AP4M1: variants seen among roughly 807,000 people sequenced by gnomAD.
AP4M1 encodes adaptor related protein complex 4 subunit mu 1.
AP4M1 carries 58 observed loss-of-function variants against 62.4 expected under a neutral mutation model. That is an observed-to-expected ratio of 0.93 (90% confidence interval 0.75 to 1.16). AP4M1 has a LOEUF of 1.16. Ranked by LOEUF, AP4M1 falls within the 50% of genes most tolerant of loss-of-function variation. The pLI, the probability that AP4M1 is intolerant of heterozygous loss-of-function variation, is 0.00. For missense variants in AP4M1, 626 were observed against 585.4 expected, an observed-to-expected ratio of 1.07 and a Z score of -0.72; for synonymous variants, 290 against 239.7, an observed-to-expected ratio of 1.21 and a Z score of -1.94.
Position 100,102,729 on chromosome 7 carries a change from G to T in AP4M1, c.202G>T (p.Val68Phe), listed in dbSNP as rs148371121. 10 of 1,614,012 alleles carry T rather than the reference G, an allele frequency of 6.2e-6. No individual in the cohort carries two copies. The highest frequency in any genetic ancestry group is 7.6e-6 in the Non-Finnish European group (9 of 1,180,032). ...HIRHSGLYLV[V>F]TTSENVSPFS... ...CAGACACAGCGGCCTCTATTTGGTG[G>T]TCACAACTTCAGAAAACGTTTCTCC... Residue 68 changes from valine (V) to phenylalanine (F), a missense_variant, in exon 3 of 15, where the codon GTC (valine) becomes TTC (phenylalanine). Transcript: ENST00000359593.
Position 100,108,632 on chromosome 7 carries a change from GGGATGGGGT to G in AP4M1, c.*1751_*1759del. On this transcript the variant is annotated 3_prime_UTR_variant, in exon 15 of 15. Transcript: ENST00000359593. ...GGTGACACTCTTGAGAAGAACCTTG[GGGATGGGGT>G]AAAAAAGGACATTCCTTATCATCTC... is the stretch of plus-strand genomic sequence containing the variant. 1 of 1,415,552 alleles carries G rather than the reference GGGATGGGGT, an allele frequency of 7.1e-7. No homozygotes were observed. The highest frequency in any genetic ancestry group is 9.5e-7 in the Non-Finnish European group (1 of 1,050,946). The allele number at this position is 1,415,552 out of a possible 1,614,324, so 87.7% of individuals were successfully genotyped here.
chr7:100,106,417 T>C lies in AP4M1; in HGVS notation c.1040T>C (p.Leu347Pro), dbSNP rs1399534724. 1 of 1,613,746 alleles carries C rather than the reference T, an allele frequency of 6.2e-7. No homozygotes were observed. The highest frequency in any genetic ancestry group is 8.5e-7 in the Non-Finnish European group (1 of 1,180,008). Residue 347 changes from leucine to proline, a missense_variant, in exon 14 of 15, where the codon CTG (leucine) becomes CCG (proline). By Grantham distance (98) the Leu-to-Pro change is moderately conservative (BLOSUM62 -3). Coordinates refer to ENST00000359593, the MANE Select transcript of AP4M1 (RefSeq NM_004722.4). ...PRGVVSLSQE[L>P]SSPEQKAELA... ...CCAAACTCCAGCCTGTCTCAGGAGC[T>C]GAGCAGCCCAGAGCAGAAGGCTGAG...
upstream of AP4M1, chr7:100,101,284 T>C (rs1300153110): frequency 2.5e-6 from 4 of 1,613,304 alleles, no homozygotes; most frequent in Non-Finnish European, 3.4e-6. Flanking sequence ...CGCGTAGTCC[T>C]TCAGTGCCAT....
chr7:100,101,397 T>C, upstream of AP4M1: 1 of 1,530,176 alleles, frequency 6.5e-7, no homozygotes, highest in African/African-American at 1.4e-5. Flanking sequence ...CAACCGAAAT[T>C]GGCGCGAAAC....
intron 2 of AP4M1, chr7:100,102,409 G>GAAA: frequency 1.6e-5 from 6 of 370,420 alleles, no homozygotes; most frequent in Non-Finnish European, 2.4e-5. Context: ...TGGGGGTGGG[G>GAAA]AAAAAAAAAA....
At position 100,105,254 on chromosome 7, in the gene AP4M1, A is replaced by G. The variant is rs373696169; in HGVS notation, c.742A>G (p.Ile248Val). The change falls in exon 10 of 15, where the codon ATC becomes GTC. Residue 248 changes from isoleucine (I) to valine (V), a missense_variant. Transcript: ENST00000359593. ...TCTCTTTCCAGGTTATGGGCCAGGA[A>G]TCCGGGTCGATGAAGTCTCGTTTCA... Reference protein sequence around the residue: ...KSELRGYGPGIRVDEVSFHSS... With the variant: ...KSELRGYGPGVRVDEVSFHSS... 3.7e-6 allele frequency: 6 copies of G among 1,614,024 alleles called. No homozygotes were observed. The African/African-American group carries it at 6.7e-5, about 18-fold the overall frequency.
rs758175403 is a variant in AP4M1, at chr7:100,105,549, T to C, written c.929+10T>C. On this transcript the variant is annotated intron_variant, in intron 11 of 14. Transcript: ENST00000359593. ...ACCGAGGCTCAGGCCGGTGAGACAA[T>C]TTCCTGGGTTCTAGAACTACCTTGG... is the stretch of plus-strand genomic sequence containing the variant. 56 of 1,609,820 alleles carry C rather than the reference T, an allele frequency of 3.5e-5. No homozygotes were observed. The South Asian group carries it at 4.4e-4, about 13-fold the overall frequency.
At position 100,105,359 on chromosome 7, in the gene AP4M1, G is replaced by C; in HGVS notation, c.834+13G>C. 3 of 1,613,978 alleles carry C rather than the reference G, an allele frequency of 1.9e-6. No individual in the cohort carries two copies. Among genetic ancestry groups the C allele is most frequent in the Non-Finnish European group, 2.5e-6 (3 of 1,179,892 alleles). On this transcript the variant is annotated intron_variant, in intron 10 of 14. Coordinates refer to ENST00000359593, the MANE Select transcript of AP4M1 (RefSeq NM_004722.4). Reference sequence around the variant, plus strand: ...ACCTCAGGGCGAGGTCAGGGTTGGGGTGGCCTCATAAATTCCGTCCACCAT... The same window carrying C: ...ACCTCAGGGCGAGGTCAGGGTTGGGCTGGCCTCATAAATTCCGTCCACCAT...
At chr7:100,101,422 G>T, upstream of AP4M1, 2 of 1,314,548 alleles carry the variant, frequency 1.5e-6, no homozygotes, top group South Asian at 1.2e-5. Flanking sequence ...CCCCCCACGT[G>T]ACCGGCGCCA....
Position 100,102,378 on chromosome 7 carries a change from G to GAGA in AP4M1, c.148-296_148-294dup, listed in dbSNP as rs530210109. 620 of 516,368 alleles carry GAGA rather than the reference G, an allele frequency of 1.2e-3. 3 individuals carry two copies. The highest frequency in any genetic ancestry group is 0.011 in the African/African-American group (558 of 51,222). 32.0% of individuals were successfully genotyped at this position (516,368 alleles called of 1,614,324 possible). A position where few individuals can be genotyped will look rare whatever the true frequency, so the allele number is the denominator to read the frequency against. ...CGCACTCCAGCCTGGGAGACAGAGC[G>GAGA]AGACTCCCTCTCGGGGTAGGTGGGG... is the stretch of plus-strand genomic sequence containing the variant. On this transcript the variant is annotated intron_variant, in intron 2 of 14. Transcript: ENST00000359593.
At chr7:100,103,061 C>CTTTTTTTTTTTTTTTTTTT in intron 4 of AP4M1, 101 bp downstream of exon 4, 1 of 390,328 alleles carries the variant, frequency 2.6e-6, no homozygotes, top group Admixed American at 4.4e-5. Context: ...CCAAGTCTAC[C>CTTTTTTTTTTTTTTTTTTT]TTTTTTTTTT....
chr7:100,106,580 CGAAG>C, intron 14 of AP4M1, 66 bp downstream of exon 14: 2 of 1,560,324 alleles, frequency 1.3e-6, no homozygotes, highest in Admixed American at 1.7e-5. Context: ...CCCACCCTCC[CGAAG>C]CAGCTGCTGC....
chr7:100,102,053 T>C lies in AP4M1; in HGVS notation c.147+85T>C, dbSNP rs1399086989. The C allele has an allele frequency of 3.4e-6, 5 of 1,450,406 alleles. No individual in the cohort carries two copies. The African/African-American group carries it at 4.2e-5, about 12-fold the overall frequency. 89.8% of individuals were successfully genotyped at this position (1,450,406 alleles called of 1,614,324 possible). On this transcript the variant is annotated intron_variant, in intron 2 of 14. Transcript: ENST00000359593. The stretch of plus-strand genomic sequence containing the variant: ...CTCCCTCCCAGGACTGGTTCATTGG[T>C]AGATTCCACTTGGGGGGTGCATTCC...
In AP4M1 at chr7:100,102,713, C is replaced by A. The variant is rs745829752; in HGVS notation, c.186C>A (p.Ser62Arg). The A allele has an allele frequency of 5.0e-6, 8 of 1,614,036 alleles. No individual in the cohort carries two copies. The African/African-American group carries it at 9.3e-5, about 19-fold the overall frequency. ...GTCATTTCATTCACATCAGACACAG[C>A]GGCCTCTATTTGGTGGTCACAACTT... is the stretch of plus-strand genomic sequence containing the variant. ...HGRHFIHIRH[S>R]GLYLVVTTSE... Residue 62 changes from serine to arginine, a missense_variant, in exon 3 of 15, where the codon AGC (serine) becomes AGA (arginine). Ser to Arg is a moderately radical substitution (Grantham distance 110). Coordinates refer to ENST00000359593, the MANE Select transcript of AP4M1 (RefSeq NM_004722.4).
upstream of AP4M1, chr7:100,101,377 T>G: frequency 6.3e-7 from 1 of 1,583,890 alleles, no homozygotes; most frequent in Non-Finnish European, 8.6e-7. Context: ...CGCGGTGGAC[T>G]GTGGCCGGCC....
intron 4 of AP4M1, 60 bp from the exon 5 acceptor site, chr7:100,103,349 C>A: frequency 6.9e-7 from 1 of 1,443,072 alleles, no homozygotes; most frequent in Non-Finnish European, 9.7e-7. Flanking sequence ...CCTGGCCCCA[C>A]TCCCCCTCTT....
chr7:100,101,412 C>T (rs951165437), upstream of AP4M1: 2 of 1,408,366 alleles, frequency 1.4e-6, no homozygotes, highest in African/African-American at 1.4e-5. Flanking sequence ...CGAAACGTCG[C>T]CCCCCACGTG....
upstream of AP4M1, chr7:100,101,186 A>G (rs1796002793): frequency 1.9e-6 from 3 of 1,578,850 alleles, no homozygotes; most frequent in Non-Finnish European, 8.7e-7. Context: ...CGGTCCCCCA[A>G]GACCCCAGCT....
In AP4M1 at chr7:100,105,952, C is replaced by G; in HGVS notation, c.930-7C>G. 6.2e-7 allele frequency: 1 copy of G among 1,614,140 alleles called. No individual in the cohort carries two copies. The highest frequency in any genetic ancestry group is 8.5e-7 in the Non-Finnish European group (1 of 1,180,004). The stretch of plus-strand genomic sequence containing the variant: ...CCTGAGTCGTGGTGTTTTACCCTCT[C>G]ATCCAGGCTCCAGGTTTATCTAAAG... On this transcript the variant is annotated splice_polypyrimidine_tract_variant and splice_region_variant and intron_variant, in intron 11 of 14. Coordinates refer to ENST00000359593, the MANE Select transcript of AP4M1 (RefSeq NM_004722.4).
Sources: gnomAD v4.1 joint callset for allele counts on GRCh38, gnomAD v4.1.1 for gene constraint, MANE v1.5 for transcripts, NCBI Gene and HGNC (gene_info 2026-07-23, HGNC 2026-07-21) for gene names.